Variants in VDAC1 observed in about 807,000 individuals in gnomAD.
VDAC1 encodes non-selective voltage-gated ion channel VDAC1.
In VDAC1, 10 loss-of-function variants were observed where a neutral mutation model predicts 34.7. The ratio of observed to expected loss-of-function variants is 0.29; its 90% confidence interval spans 0.18 to 0.49. The LOEUF (loss-of-function observed/expected upper bound fraction) is 0.49. Ranked by LOEUF, VDAC1 falls within the 20% of genes least tolerant of loss-of-function variation. VDAC1 has a pLI of 0.99. For missense variants in VDAC1, 230 were observed against 347.9 expected (o/e 0.66, Z 2.69); for synonymous variants, 130 against 136.0 (o/e 0.96, Z 0.30).
chr5:134,063,950 A>G, the VDAC1 span, among the ~76,000 whole-genome samples: 147 of 150,154 alleles, frequency 9.8e-4, no homozygotes, highest in African/African-American at 3.5e-3. Context: ...CCCCCTCCTC[A>G]GCCTCCCCAG....
chr5:134,108,126 G>A, the VDAC1 span, among the ~76,000 whole-genome samples: 1 of 152,120 alleles, frequency 6.6e-6, no homozygotes, highest in South Asian at 2.1e-4. Context: ...AGGCGGGGAG[G>A]CTTCCTGGAT....
the VDAC1 span, among the ~76,000 whole-genome samples, chr5:134,063,934 G>A: frequency 3.3e-5 from 5 of 151,094 alleles, no homozygotes; most frequent in South Asian, 1.0e-3. Context: ...CCAGACTCAA[G>A]CGATTCCCCC....
the VDAC1 span, among the ~76,000 whole-genome samples, chr5:134,011,597 C>A: frequency 6.6e-6 from 1 of 150,916 alleles, no homozygotes. Context: ...CCTAGATCAT[C>A]CAAGTGTGCC....
At chr5:134,005,830 C>T (rs2127047725), upstream of VDAC1, among the ~76,000 whole-genome samples, 1 of 152,356 alleles carries the variant, frequency 6.6e-6, no homozygotes, top group South Asian at 2.1e-4. Flanking sequence ...AGATTCTACA[C>T]ATCCTTCGCC....
At chr5:134,111,142 G>T in the VDAC1 span, among the ~76,000 whole-genome samples, 1 of 152,172 alleles carries the variant, frequency 6.6e-6, no homozygotes, top group African/African-American at 2.4e-5. Flanking sequence ...CTCAGAGAGG[G>T]TCAGCAATCT....
At chr5:134,113,222 C>T in the VDAC1 span, among the ~76,000 whole-genome samples, 1 of 152,242 alleles carries the variant, frequency 6.6e-6, no homozygotes, top group Non-Finnish European at 1.5e-5. Flanking sequence ...CCCTCATCTC[C>T]ATCACCAAGC....
chr5:134,050,675 T>G, the VDAC1 span, among the ~76,000 whole-genome samples: 1 of 152,264 alleles, frequency 6.6e-6, no homozygotes, highest in Non-Finnish European at 1.5e-5. Flanking sequence ...AGAATTCTCC[T>G]AATGGGAATT....
chr5:134,088,509 T>C, the VDAC1 span, among the ~76,000 whole-genome samples: 1 of 152,106 alleles, frequency 6.6e-6, no homozygotes, highest in African/African-American at 2.4e-5. Context: ...GGGGTACCAG[T>C]GGCCAAAAAT....
upstream of VDAC1, chr5:134,005,605 C>A (rs1024794611): frequency 2.0e-5 from 3 of 152,214 alleles, no homozygotes; most frequent in Non-Finnish European, 4.4e-5. Context: ...GAGGAGATCA[C>A]GCCGGTTATG....
At position 133,971,995 on chromosome 5, in the gene VDAC1, T is replaced by C. The variant is rs890674906; in HGVS notation, c.*776A>G. On this transcript the variant is annotated 3_prime_UTR_variant, in exon 9 of 9. Coordinates refer to ENST00000265333, the MANE Select transcript of VDAC1 (RefSeq NM_003374.3). ...AGGGGAGGATCTAATTCCAACAAAA[T>C]GGAAGACTCTAAAATGTACCCATTA... is the stretch of plus-strand genomic sequence containing the variant. 1 of 152,598 alleles carries C rather than the reference T, an allele frequency of 6.6e-6. No individual in the cohort carries two copies. The highest frequency in any genetic ancestry group is 2.4e-5 in the African/African-American group (1 of 41,442). 9.5% of individuals were successfully genotyped at this position (152,598 alleles called of 1,614,324 possible).
chr5:134,078,647 C>CTTTT, the VDAC1 span, among the ~76,000 whole-genome samples: 64 of 118,454 alleles, frequency 5.4e-4, 2 homozygotes, highest in African/African-American at 1.7e-3. Flanking sequence ...CCTCAAGCAT[C>CTTTT]TTTTTTTTTT....
the VDAC1 span, among the ~76,000 whole-genome samples, chr5:134,071,316 C>T: frequency 6.6e-6 from 1 of 152,208 alleles, no homozygotes. The surrounding 1 kb of genome is among the most constrained non-coding windows in gnomAD (Gnocchi z 4.1). Context: ...CAAAGCGCCG[C>T]GTGTAGGGCG....
chr5:134,033,445 C>T, the VDAC1 span, among the ~76,000 whole-genome samples: 1 of 151,480 alleles, frequency 6.6e-6, no homozygotes, highest in Non-Finnish European at 1.5e-5. Flanking sequence ...CATGAGCCAC[C>T]GCACCCGGCC....
rs751564756 is a variant in VDAC1, at chr5:133,990,952, G to A, written c.271-45C>T. The A allele has an allele frequency of 1.6e-5, 25 of 1,605,136 alleles. No homozygotes were observed. The South Asian group carries it at 2.5e-4, about 16-fold the overall frequency. On this transcript the variant is annotated intron_variant, in intron 4 of 8. Transcript: ENST00000265333. ...GCCACTAGATTTAGTCACAAGGCAG[G>A]CTGGCAGATGCGAATTAATAAATCC...
chr5:133,990,488 C>T (rs73787984), intron 5 of VDAC1, among the ~76,000 whole-genome samples: 2,159 of 152,292 alleles, frequency 0.014, 49 homozygotes, highest in African/African-American at 0.05. Context: ...AATCTTATTA[C>T]AAAACACGGC....
chr5:133,978,442 T>C (rs1168928822), intron 6 of VDAC1, among the ~76,000 whole-genome samples: 2 of 152,202 alleles, frequency 1.3e-5, no homozygotes, highest in Non-Finnish European at 2.9e-5. Flanking sequence ...TAAATTTTCG[T>C]TTCCCCATGA....
the VDAC1 span, among the ~76,000 whole-genome samples, chr5:134,102,798 C>T: frequency 6.6e-6 from 1 of 152,106 alleles, no homozygotes; most frequent in Admixed American, 6.5e-5. Context: ...TTCAAGATTT[C>T]CTGAGTTTGG....
chr5:134,109,951 C>A, the VDAC1 span, among the ~76,000 whole-genome samples: 1 of 152,198 alleles, frequency 6.6e-6, no homozygotes, highest in African/African-American at 2.4e-5. Context: ...AGCCTAGGAC[C>A]TGGCACACAG....
intron 6 of VDAC1, among the ~76,000 whole-genome samples, chr5:133,976,830 G>A (rs576623281): frequency 1.3e-5 from 2 of 152,254 alleles, no homozygotes; most frequent in South Asian, 4.1e-4. Flanking sequence ...GATCATTTGA[G>A]GTCAGGAGTT....
Sources: allele counts gnomAD v4.1 joint callset (sites outside exome capture counted in the v4.1 genomes callset), GRCh38; gene constraint gnomAD v4.1.1; non-coding constraint Gnocchi (gnomAD v3.1); transcripts MANE v1.5; gene names NCBI Gene and HGNC (gene_info 2026-07-23, HGNC 2026-07-21).